RCAN3: variants seen among roughly 807,000 people sequenced by gnomAD.
RCAN3 encodes calcipressin-3.
RCAN3 carries 19 observed loss-of-function variants against 21.9 expected under a neutral mutation model. The ratio of observed to expected loss-of-function variants is 0.87; its 90% confidence interval spans 0.61 to 1.27. The LOEUF is 1.27. RCAN3 is among the 50% of genes most tolerant of loss of function. The pLI, the probability that RCAN3 is intolerant of heterozygous loss-of-function variation, is 0.00. For synonymous variants in RCAN3, 114 were observed against 112.3 expected, an observed-to-expected ratio of 1.01 and a Z score of -0.09; for missense variants, 240 against 300.1, an observed-to-expected ratio of 0.80 and a Z score of 1.48.
intron 2 of RCAN3, among the ~76,000 whole-genome samples, chr1:24,524,837 T>G (rs1262714517): frequency 3.3e-5 from 5 of 149,614 alleles, no homozygotes; most frequent in Admixed American, 6.6e-5. Flanking sequence ...TGTTTTTTTT[T>G]TTTTTTTTTT....
rs1477672638 is a variant in RCAN3, at chr1:24,536,163, C to T, written c.*886C>T. 1 of 152,202 alleles carries T rather than the reference C, an allele frequency of 6.6e-6. No homozygotes were observed. Among genetic ancestry groups the T allele is most frequent in the Non-Finnish European group, 1.5e-5 (1 of 68,050 alleles). 9.4% of individuals were successfully genotyped at this position (152,202 alleles called of 1,614,324 possible). A position where few individuals can be genotyped will look rare whatever the true frequency, so the allele number is the denominator to read the frequency against. On this transcript the variant is annotated 3_prime_UTR_variant, in exon 5 of 5. Transcript: ENST00000374395. ...ACCTTTTCCAGTATCTTGTTAACCACTAGTTCTTGAGTTTTTTGGCTATGA... is the reference window on the plus strand; with the variant it reads ...ACCTTTTCCAGTATCTTGTTAACCATTAGTTCTTGAGTTTTTTGGCTATGA...
chr1:24,527,916 C>G (rs142100774), intron 2 of RCAN3, among the ~76,000 whole-genome samples: 1 of 152,122 alleles, frequency 6.6e-6, no homozygotes, highest in East Asian at 1.9e-4. Context: ...ATTTTTTTCT[C>G]AGCCTCATGA....
At chr1:24,506,597 G>A (rs1348181522) in intron 1 of RCAN3, among the ~76,000 whole-genome samples, 5 of 151,630 alleles carry the variant, frequency 3.3e-5, no homozygotes, top group Non-Finnish European at 7.4e-5. Context: ...AAAGCAGATG[G>A]TCAAAACAGA....
intron 4 of RCAN3, among the ~76,000 whole-genome samples, chr1:24,534,060 C>T (rs1290939088): frequency 6.6e-6 from 1 of 152,072 alleles, no homozygotes; most frequent in Non-Finnish European, 1.5e-5. Flanking sequence ...CTTCTCTTTA[C>T]TTTCTCTACC....
chr1:24,527,008 A>T (rs1240940340), intron 2 of RCAN3, among the ~76,000 whole-genome samples: 5 of 152,136 alleles, frequency 3.3e-5, no homozygotes, highest in Non-Finnish European at 7.4e-5. Flanking sequence ...AATCCTTACT[A>T]TATCTATATA....
chr1:24,521,702 G>A (rs916221803), intron 2 of RCAN3, among the ~76,000 whole-genome samples: 1 of 152,072 alleles, frequency 6.6e-6, no homozygotes, highest in East Asian at 1.9e-4. Flanking sequence ...ACAAAAATTA[G>A]CTGGGCATGG....
intron 1 of RCAN3, among the ~76,000 whole-genome samples, chr1:24,511,365 T>A (rs1018025375): frequency 1.3e-5 from 2 of 152,078 alleles, no homozygotes; most frequent in Non-Finnish European, 2.9e-5. Context: ...CATGTATTGG[T>A]TAAGGACACC....
At chr1:24,517,579 C>T (rs114383419) in intron 2 of RCAN3, among the ~76,000 whole-genome samples, 3,214 of 152,292 alleles carry the variant, frequency 0.021, 52 homozygotes, top group Non-Finnish European at 0.033. Context: ...CTAATAACAG[C>T]AGTTCAGCGG....
chr1:24,516,525 C>T (rs1037018193), intron 2 of RCAN3, among the ~76,000 whole-genome samples: 1 of 152,072 alleles, frequency 6.6e-6, no homozygotes, highest in Non-Finnish European at 1.5e-5. Flanking sequence ...GAGTAGCAAG[C>T]CATTCTGTGT....
Position 24,540,493 on chromosome 1 carries a change from T to G in RCAN3, c.*5216T>G, listed in dbSNP as rs1212684126. On this transcript the variant is annotated 3_prime_UTR_variant, in exon 5 of 5. Coordinates refer to ENST00000374395, the MANE Select transcript of RCAN3 (RefSeq NM_013441.4). The stretch of plus-strand genomic sequence containing the variant: ...ATGTTTTTAAATACTGTTTTCTGTT[T>G]AGTCCTCAATCTTCCTAACTCAAAT... 1 of 152,212 alleles carries G rather than the reference T, an allele frequency of 6.6e-6. No individual in the cohort carries two copies. The highest frequency in any genetic ancestry group is 1.5e-5 in the Non-Finnish European group (1 of 68,040). 9.4% of individuals were successfully genotyped at this position (152,212 alleles called of 1,614,324 possible). A position where few individuals can be genotyped will look rare whatever the true frequency, so the allele number is the denominator to read the frequency against.
intron 1 of RCAN3, among the ~76,000 whole-genome samples, chr1:24,503,874 C>G (rs1440244449): frequency 1.3e-5 from 2 of 152,186 alleles, no homozygotes; most frequent in Admixed American, 1.3e-4. Context: ...TCATAGAAGT[C>G]TCTGATGTAC....
At chr1:24,516,772 A>C (rs1648355385) in intron 2 of RCAN3, among the ~76,000 whole-genome samples, 1 of 152,096 alleles carries the variant, frequency 6.6e-6, no homozygotes, top group Admixed American at 6.5e-5. Context: ...GGAGCCAGGG[A>C]GCTCTCGGAT....
At chr1:24,528,647 A>G (rs1418021545) in intron 2 of RCAN3, among the ~76,000 whole-genome samples, 2 of 152,206 alleles carry the variant, frequency 1.3e-5, no homozygotes, top group East Asian at 1.9e-4. Context: ...AGTTCCATTC[A>G]CCAGGAAGAG....
chr1:24,503,313 CT>C (rs1231268859), intron 1 of RCAN3, among the ~76,000 whole-genome samples, 163 bp downstream of exon 1: 1 of 151,648 alleles, frequency 6.6e-6, no homozygotes, highest in East Asian at 2.0e-4. Flanking sequence ...GCGACCTCGC[CT>C]CCCGCGACCT....
chr1:24,531,795 A>G (rs1229780737), intron 3 of RCAN3, among the ~76,000 whole-genome samples: 4 of 152,184 alleles, frequency 2.6e-5, no homozygotes, highest in Admixed American at 6.5e-5. Flanking sequence ...TCCATAATTC[A>G]TATGAGGAAC....
chr1:24,533,545 A>G (rs1414180403), intron 4 of RCAN3, among the ~76,000 whole-genome samples: 1 of 152,236 alleles, frequency 6.6e-6, no homozygotes, highest in East Asian at 1.9e-4. Context: ...CACGCCTGTA[A>G]TCCTAGCACT....
chr1:24,534,962 T>TGTTAG, intron 4 of RCAN3, 131 bp from the exon 5 acceptor site: 1 of 811,748 alleles, frequency 1.2e-6, no homozygotes, highest in Non-Finnish European at 1.9e-6. Context: ...TACTCTAACA[T>TGTTAG]AGTATTTAAA....
chr1:24,505,225 CTTTTTTCT>C (rs778174647), intron 1 of RCAN3, among the ~76,000 whole-genome samples: 59 of 109,550 alleles, frequency 5.4e-4, no homozygotes, highest in East Asian at 2.0e-3. Flanking sequence ...TTTTTTTTCT[CTTTTTTCT>C]TTTTTTTTTT....
chr1:24,535,638 A>G lies in RCAN3; in HGVS notation c.*361A>G. 4.7e-6 allele frequency: 1 copy of G among 211,240 alleles called. No individual in the cohort carries two copies. Among genetic ancestry groups the G allele is most frequent in the Non-Finnish European group, 9.3e-6 (1 of 107,520 alleles). The allele number at this position is 211,240 out of a possible 1,614,324, so 13.1% of individuals were successfully genotyped here. The stretch of plus-strand genomic sequence containing the variant: ...GACACCAAAAACTGGAAATGTAGTC[A>G]CACCCAGTACAGTACCATTTTTATG... On this transcript the variant is annotated 3_prime_UTR_variant, in exon 5 of 5. Transcript: ENST00000374395.
Sources: allele counts gnomAD v4.1 joint callset (sites outside exome capture counted in the v4.1 genomes callset), GRCh38; gene constraint gnomAD v4.1.1; transcripts MANE v1.5; gene names NCBI Gene and HGNC (gene_info 2026-07-23, HGNC 2026-07-21).